Variants in FAM81A observed in about 807,000 individuals in gnomAD.
FAM81A encodes the protein family with sequence similarity 81 member A.
FAM81A carries 19 observed loss-of-function variants against 46.7 expected under a neutral mutation model. The observed-to-expected ratio is 0.41, with a 90% CI of 0.28 to 0.60. FAM81A has a LOEUF of 0.60. Among genes scored for constraint, FAM81A ranks in the 20% least tolerant of loss-of-function variants. The pLI, the probability that FAM81A is intolerant of heterozygous loss-of-function variation, is 0.34. For missense variants in FAM81A, 377 were observed against 453.5 expected (o/e 0.83, Z 1.53); for synonymous variants, 183 against 152.9 (o/e 1.20, Z -1.45).
intron 8 of FAM81A, among the ~76,000 whole-genome samples, chr15:59,520,660 T>C (rs1031096522): frequency 3.3e-5 from 5 of 150,670 alleles, no homozygotes. Context: ...GCTTCCTGGG[T>C]TCAAGCAATT....
intron 2 of FAM81A, among the ~76,000 whole-genome samples, chr15:59,403,175 T>C (rs2140464074): frequency 6.6e-6 from 1 of 152,320 alleles, no homozygotes; most frequent in South Asian, 2.1e-4. Context: ...ATATCTTTAC[T>C]GAATATTTAT....
At chr15:59,398,966 G>A (rs1404651792) in intron 1 of FAM81A, among the ~76,000 whole-genome samples, 2 of 151,864 alleles carry the variant, frequency 1.3e-5, no homozygotes, top group Non-Finnish European at 2.9e-5. Flanking sequence ...TCAGGAGATC[G>A]AGACCATCCT....
chr15:59,519,978 A>G (rs1443751699), intron 8 of FAM81A, among the ~76,000 whole-genome samples: 1 of 152,166 alleles, frequency 6.6e-6, no homozygotes, highest in Non-Finnish European at 1.5e-5. Flanking sequence ...TTTCTTTAGT[A>G]ACCTCTATAC....
chr15:59,425,143 C>T (rs1241982850), intron 2 of FAM81A, among the ~76,000 whole-genome samples: 2 of 152,102 alleles, frequency 1.3e-5, no homozygotes, highest in African/African-American at 4.8e-5. Context: ...CCTCAACCTC[C>T]CAAAGTGTTG....
chr15:59,474,247 G>A (rs1297675048), intron 3 of FAM81A, among the ~76,000 whole-genome samples: 3 of 152,236 alleles, frequency 2.0e-5, no homozygotes, highest in South Asian at 2.1e-4. Flanking sequence ...AGCAAAATGC[G>A]GTGAATGCTG....
At chr15:59,446,824 C>T (rs1488719010) in intron 1 of FAM81A, 11 of 152,220 alleles carry the variant, frequency 7.2e-5, no homozygotes, top group African/African-American at 2.7e-4. Flanking sequence ...GCACCAGCCT[C>T]AAGCCTTGTT....
chr15:59,398,068 C>T (rs912110384), intron 1 of FAM81A, among the ~76,000 whole-genome samples: 2 of 152,162 alleles, frequency 1.3e-5, no homozygotes, highest in East Asian at 1.9e-4. Flanking sequence ...CATAGCATCA[C>T]CTAGCGACTA....
intron 2 of FAM81A, among the ~76,000 whole-genome samples, chr15:59,425,039 A>ATTTAAT (rs1305255962): frequency 1.3e-5 from 2 of 151,854 alleles, no homozygotes; most frequent in African/African-American, 4.8e-5. Flanking sequence ...TCCCTCTTTT[A>ATTTAAT]TTTAATTTTA....
chr15:59,483,987 C>T (rs117689644), intron 3 of FAM81A, among the ~76,000 whole-genome samples: 2 of 152,272 alleles, frequency 1.3e-5, no homozygotes, highest in East Asian at 3.9e-4. Context: ...CCTCCTGGTA[C>T]CTCACCTGGA....
chr15:59,478,319 C>T (rs1353668725), intron 3 of FAM81A, among the ~76,000 whole-genome samples: 1 of 152,176 alleles, frequency 6.6e-6, no homozygotes, highest in African/African-American at 2.4e-5. Flanking sequence ...CTGTATCAAG[C>T]CCTCATCTAA....
rs143732285 is a variant in FAM81A at position 59,426,009 on chromosome 15, C to T, written c.-78+23651C>T. On this transcript the variant is annotated intron_variant, in intron 2 of 4. Coordinates refer to the FAM81A transcript ENST00000558348. ...GAAAGTTATTAAAATATATTTGGAA[C>T]AATTTGCTATGCAGTCAATGAGTTT... Among the ~76,000 whole-genome samples, 199 of 152,280 alleles carry T rather than the reference C, an allele frequency of 1.3e-3. 1 individual carries two copies. Among genetic ancestry groups the T allele is most frequent in the African/African-American group, 4.2e-3 (176 of 41,544 alleles).
chr15:59,509,427 T>C (rs1215096440), intron 6 of FAM81A, among the ~76,000 whole-genome samples: 1 of 152,228 alleles, frequency 6.6e-6, no homozygotes, highest in Non-Finnish European at 1.5e-5. Context: ...AAGTTGCGAA[T>C]ATATTACCTT....
chr15:59,496,601 T>A (rs534976950), intron 4 of FAM81A, among the ~76,000 whole-genome samples: 9 of 151,552 alleles, frequency 5.9e-5, no homozygotes, highest in Admixed American at 2.0e-4. Context: ...CAAGACTCTA[T>A]CTCAAAAAAA....
chr15:59,443,306 T>C (rs2081320650), intron 1 of FAM81A, among the ~76,000 whole-genome samples: 1 of 152,168 alleles, frequency 6.6e-6, no homozygotes, highest in Non-Finnish European at 1.5e-5. Context: ...GGTCTTGAAC[T>C]CCTGACCTCA....
intron 8 of FAM81A, among the ~76,000 whole-genome samples, chr15:59,517,378 C>T (rs527584152): frequency 6.6e-6 from 1 of 152,226 alleles, no homozygotes; most frequent in African/African-American, 2.4e-5. Context: ...GAACTGTGAC[C>T]ACTAAGTGGA....
chr15:59,499,859 A>AT (rs746846741), intron 4 of FAM81A, among the ~76,000 whole-genome samples: 15,299 of 134,442 alleles, frequency 0.11, 973 homozygotes, highest in African/African-American at 0.16. Flanking sequence ...TTTCATTTTC[A>AT]TTTTTTTTTT....
intron 1 of FAM81A, among the ~76,000 whole-genome samples, chr15:59,457,368 G>A (rs1458143149): frequency 6.6e-6 from 1 of 152,222 alleles, no homozygotes; most frequent in East Asian, 1.9e-4. Flanking sequence ...TGACTGTTGG[G>A]GTATTGCAGT....
At chr15:59,494,094 T>G (rs1311623421) in intron 4 of FAM81A, among the ~76,000 whole-genome samples, 1 of 152,160 alleles carries the variant, frequency 6.6e-6, no homozygotes, top group East Asian at 1.9e-4. Flanking sequence ...GCTAAGTGCC[T>G]GGAACGGTCT....
At chr15:59,520,640 T>A (rs900007173) in intron 8 of FAM81A, among the ~76,000 whole-genome samples, 1 of 150,850 alleles carries the variant, frequency 6.6e-6, no homozygotes, top group Non-Finnish European at 1.5e-5. Flanking sequence ...CTCAGCTCAC[T>A]GCAACGTCCG....
Sources: gnomAD v4.1 joint callset for allele counts (sites outside exome capture counted in the v4.1 genomes callset) on GRCh38, gnomAD v4.1.1 for gene constraint, MANE v1.5 for transcripts, NCBI Gene and HGNC (gene_info 2026-07-23, HGNC 2026-07-21) for gene names.